The following CIB1 variants were observed in gnomAD, a reference collection of about 807,000 sequenced individuals.
The protein encoded by CIB1 is calcium and integrin binding 1, also known as calcium and integrin-binding protein 1.
In CIB1, 19 loss-of-function variants were observed where a neutral mutation model predicts 25.0. The ratio of observed to expected loss-of-function variants is 0.76; its 90% CI spans 0.53 to 1.12. The LOEUF (loss-of-function observed/expected upper bound fraction) is 1.12. Among genes scored for constraint, CIB1 ranks in the 50% most tolerant of loss-of-function variants. The probability of loss-of-function intolerance (pLI) is 0.00; values close to 1 mark genes in which losing one functional copy is unlikely to be tolerated. For missense variants in CIB1, 236 were observed against 242.6 expected (o/e 0.97, Z 0.18); for synonymous variants, 104 against 98.5 (o/e 1.06, Z -0.33).
the CIB1 span, chr15:90,261,957 G>A: frequency 6.9e-7 from 1 of 1,440,556 alleles, no homozygotes; most frequent in African/African-American, 1.4e-5. Flanking sequence ...TTTCCCTACT[G>A]AACATTCCCA....
the CIB1 span, among the ~76,000 whole-genome samples, chr15:90,256,569 CTTTCTTTCTTTCTTTCTTT>C: frequency 1.8e-4 from 6 of 33,294 alleles, no homozygotes; most frequent in African/African-American, 7.2e-4. Context: ...TTCTTTCTTT[CTTTCTTTCTTTCTTTCTTT>C]CTTTCTTTCT....
the CIB1 span, among the ~76,000 whole-genome samples, chr15:90,253,765 C>T: frequency 6.6e-6 from 1 of 152,168 alleles, no homozygotes; most frequent in East Asian, 1.9e-4. Context: ...TAGGAGACTG[C>T]GGGGTCCTGC....
chr15:90,248,237 G>C, the CIB1 span, among the ~76,000 whole-genome samples: 1 of 152,196 alleles, frequency 6.6e-6, no homozygotes, highest in Non-Finnish European at 1.5e-5. Context: ...AGATGAGGAA[G>C]GCTGGTATCT....
At chr15:90,257,171 C>T in the CIB1 span, 444 of 1,613,540 alleles carry the variant, frequency 2.8e-4, no homozygotes, top group Non-Finnish European at 3.5e-4. Context: ...GTTTGATATG[C>T]GAGTCTACGT....
chr15:90,234,087 G>C (rs931930234), upstream of CIB1: 11 of 491,940 alleles, frequency 2.2e-5, no homozygotes, highest in Admixed American at 4.7e-4. Flanking sequence ...GCGGTCCTAG[G>C]CGAGCTGGAG....
chr15:90,230,891 G>A (rs939156685), intron 6 of CIB1, 43 bp downstream of exon 6: 27 of 1,527,212 alleles, frequency 1.8e-5, no homozygotes, highest in East Asian at 4.5e-5. Context: ...GCAGCAGGTC[G>A]GAACCTGCAG....
intron 2 of CIB1, 37 bp downstream of exon 2, chr15:90,233,632 T>C (rs1434845629): frequency 3.8e-6 from 6 of 1,561,302 alleles, no homozygotes; most frequent in Non-Finnish European, 5.2e-6. Flanking sequence ...CTCTAGAGGA[T>C]CCCGGGGTCG....
At chr15:90,260,515 A>G in the CIB1 span, among the ~76,000 whole-genome samples, 1 of 151,990 alleles carries the variant, frequency 6.6e-6, no homozygotes, top group Admixed American at 6.5e-5. Context: ...AAATTAAAAA[A>G]TAAAATAAAA....
chr15:90,262,637 T>G, the CIB1 span: 1 of 1,511,430 alleles, frequency 6.6e-7, no homozygotes, highest in Non-Finnish European at 8.8e-7. Context: ...TTCCACCCAC[T>G]TGGCTTACAG....
upstream of CIB1, among the ~76,000 whole-genome samples, chr15:90,237,487 T>C (rs1413886997): frequency 6.6e-6 from 1 of 152,060 alleles, no homozygotes; most frequent in Non-Finnish European, 1.5e-5. Context: ...GGTTTCACCA[T>C]GTTGGCCAGG....
At position 90,231,264 on chromosome 15, in the gene CIB1, G is replaced by A. The variant is rs760919745; in HGVS notation, c.347-51C>T. 5 of 1,608,730 alleles carry A rather than the reference G, an allele frequency of 3.1e-6. No individual in the cohort carries two copies. The African/African-American group carries it at 5.3e-5, about 17-fold the overall frequency. On this transcript the variant is annotated intron_variant, in intron 4 of 6. Coordinates refer to ENST00000328649, the MANE Select transcript of CIB1 (RefSeq NM_006384.4). ...AAGACACGGTTGGGAGGGGCTCTGA[G>A]GTTCCCCAAACGGCGCCCATTTCCC...
chr15:90,263,474 T>C, the CIB1 span: 1 of 492,586 alleles, frequency 2.0e-6, no homozygotes, highest in South Asian at 3.5e-5. Context: ...GTGGCTTCTG[T>C]ATAATTTTCT....
At chr15:90,258,096 T>TG in the CIB1 span, 2 of 1,614,128 alleles carry the variant, frequency 1.2e-6, no homozygotes, top group Admixed American at 3.3e-5. Context: ...TGGAGAGCTG[T>TG]GGGGGGACAT....
chr15:90,260,595 G>A, the CIB1 span, among the ~76,000 whole-genome samples: 1 of 152,154 alleles, frequency 6.6e-6, no homozygotes, highest in Admixed American at 6.5e-5. Context: ...ACTCAGGCCT[G>A]TAATCTCAGC....
the CIB1 span, chr15:90,243,309 T>C: frequency 6.6e-6 from 1 of 152,232 alleles, no homozygotes; most frequent in Non-Finnish European, 1.5e-5. Context: ...TGAATGCTCT[T>C]CACTGACATC....
At chr15:90,255,864 G>A in the CIB1 span, 51 of 1,614,010 alleles carry the variant, frequency 3.2e-5, no homozygotes, top group South Asian at 1.9e-4. Flanking sequence ...ATCTTCCCCC[G>A]CACCTGGTGC....
At chr15:90,259,812 T>C in the CIB1 span, among the ~76,000 whole-genome samples, 1 of 152,226 alleles carries the variant, frequency 6.6e-6, no homozygotes, top group South Asian at 2.1e-4. Flanking sequence ...GGTCACCCAT[T>C]GTTGTTTTCT....
chr15:90,262,357 T>C, the CIB1 span: 1 of 1,152,236 alleles, frequency 8.7e-7, no homozygotes, highest in Non-Finnish European at 1.2e-6. Flanking sequence ...GTTTCCTATC[T>C]TCCCCTCTCA....
At chr15:90,254,268 G>A in the CIB1 span, among the ~76,000 whole-genome samples, 2 of 151,684 alleles carry the variant, frequency 1.3e-5, no homozygotes, top group African/African-American at 4.8e-5. Context: ...GCCGAGGCGG[G>A]CGGATCATGA....
Sources: allele counts gnomAD v4.1 joint callset (sites outside exome capture counted in the v4.1 genomes callset), GRCh38; gene constraint gnomAD v4.1.1; transcripts MANE v1.5; gene names NCBI Gene and HGNC (gene_info 2026-07-23, HGNC 2026-07-21).